Variants in NSD1 observed in about 807,000 individuals in gnomAD.
NSD1 encodes histone-lysine N-methyltransferase, H3 lysine-36 specific.
In NSD1, 26 loss-of-function variants were observed where a neutral mutation model predicts 242.7. The ratio of observed to expected loss-of-function variants is 0.11; its 90% CI spans 0.08 to 0.15. The LOEUF (loss-of-function observed/expected upper bound fraction) is 0.15, where lower values mean the gene tolerates loss of function less well. Ranked by LOEUF, NSD1 falls within the 10% of genes least tolerant of loss-of-function variation. The pLI, the probability that NSD1 is intolerant of heterozygous loss-of-function variation, is 1.00. For synonymous variants in NSD1, 1,106 were observed against 1,178.1 expected, an observed-to-expected ratio of 0.94 and a Z score of 1.25; for missense variants, 2,495 against 3,272.8, an observed-to-expected ratio of 0.76 and a Z score of 5.80.
chr5:177,276,864 C>G (rs1380819441), intron 17 of NSD1, among the ~76,000 whole-genome samples: 1 of 152,132 alleles, frequency 6.6e-6, no homozygotes, highest in Non-Finnish European at 1.5e-5. Context: ...TTAATCCTTA[C>G]AAATGATTAC....
chr5:177,182,922 G>A (rs1236844886), intron 2 of NSD1, among the ~76,000 whole-genome samples: 1 of 152,146 alleles, frequency 6.6e-6, no homozygotes, highest in Non-Finnish European at 1.5e-5. Context: ...ACAGGCGTGA[G>A]CCACCGTGCC....
At chr5:177,144,076 C>T (rs916891399) in intron 2 of NSD1, among the ~76,000 whole-genome samples, 1 of 152,170 alleles carries the variant, frequency 6.6e-6, no homozygotes, top group Non-Finnish European at 1.5e-5. Flanking sequence ...AGCCATCTCT[C>T]CTGGCCATGA....
chr5:177,255,644 G>A (rs1272294169), intron 12 of NSD1, among the ~76,000 whole-genome samples: 1 of 152,052 alleles, frequency 6.6e-6, no homozygotes, highest in Non-Finnish European at 1.5e-5. Flanking sequence ...GTTCGGTGGT[G>A]TGATCTCAGC....
intron 2 of NSD1, among the ~76,000 whole-genome samples, chr5:177,147,771 G>A (rs2149772485): frequency 6.6e-6 from 1 of 152,068 alleles, no homozygotes; most frequent in African/African-American, 2.4e-5. Context: ...TGTATTTTTA[G>A]TAGAGATGGG....
intron 3 of NSD1, among the ~76,000 whole-genome samples, chr5:177,201,436 A>C (rs1164278743): frequency 6.6e-6 from 1 of 151,874 alleles, no homozygotes; most frequent in Non-Finnish European, 1.5e-5. Context: ...CCCAACCTTT[A>C]TTAGTTTCCC....
chr5:177,289,913 C>T (rs76828993), intron 21 of NSD1, among the ~76,000 whole-genome samples: 8 of 151,216 alleles, frequency 5.3e-5, no homozygotes, highest in African/African-American at 1.9e-4. Flanking sequence ...CTGCAAGCTC[C>T]GTCTCCCGGG....
chr5:177,134,972 T>A lies in NSD1; in HGVS notation c.-17-115T>A, dbSNP rs936491167. 2 of 892,518 alleles carry A rather than the reference T, an allele frequency of 2.2e-6. No homozygotes were observed. The highest frequency in any genetic ancestry group is 1.7e-5 in the African/African-American group (1 of 60,046). 55.3% of individuals were successfully genotyped at this position (892,518 alleles called of 1,614,324 possible). On this transcript the variant is annotated intron_variant, in intron 1 of 22. Transcript: ENST00000439151. The surrounding 1 kb of genome is among the most constrained non-coding windows in gnomAD (Gnocchi z 4.2). ...CAGTCGGGGGAACTTTTTCTGCCCATGGAAGTGCAGCAGAAAGGCATAGAG... is the reference window on the plus strand; with the variant it reads ...CAGTCGGGGGAACTTTTTCTGCCCAAGGAAGTGCAGCAGAAAGGCATAGAG...
chr5:177,269,866 A>G lies in NSD1; in HGVS notation c.5509+59A>G. 6.9e-7 allele frequency: 1 copy of G among 1,455,818 alleles called. No individual in the cohort carries two copies. Among genetic ancestry groups the G allele is most frequent in the Non-Finnish European group, 9.5e-7 (1 of 1,056,954 alleles). 90.2% of individuals were successfully genotyped at this position (1,455,818 alleles called of 1,614,324 possible). On this transcript the variant is annotated intron_variant, in intron 16 of 22. Transcript: ENST00000439151. This position sits in a 1 kb window ranked among gnomAD's most constrained non-coding sequence, Gnocchi z 5.1. ...CAGACCTCTGTTACCTGAGTGTCTG[A>G]TCTGTTTTAGAATTCACATATGCTC...
At chr5:177,267,192 T>C (rs1033289617) in intron 14 of NSD1, among the ~76,000 whole-genome samples, 5 of 152,206 alleles carry the variant, frequency 3.3e-5, no homozygotes, top group Non-Finnish European at 4.4e-5. Context: ...GGGAAGGAAC[T>C]AACCATATGG....
chr5:177,180,961 G>A (rs530083876), intron 2 of NSD1, among the ~76,000 whole-genome samples: 34 of 151,954 alleles, frequency 2.2e-4, no homozygotes, highest in African/African-American at 7.7e-4. Context: ...GATTACAGGC[G>A]TGAGCCACCG....
At chr5:177,199,613 T>TC (rs776032109) in intron 3 of NSD1, among the ~76,000 whole-genome samples, 13,901 of 151,230 alleles carry the variant, frequency 0.092, 1,202 homozygotes, top group African/African-American at 0.22. Context: ...TCTTTTCTTT[T>TC]TTTTTGAGAT....
At chr5:177,262,942 T>G (rs1757108968) in intron 14 of NSD1, among the ~76,000 whole-genome samples, 4 of 152,256 alleles carry the variant, frequency 2.6e-5, no homozygotes, top group Non-Finnish European at 5.9e-5. Flanking sequence ...GCAGTTTCAC[T>G]GAGCCAGATT....
At chr5:177,228,469 G>A (rs534174798) in intron 5 of NSD1, among the ~76,000 whole-genome samples, 2 of 151,906 alleles carry the variant, frequency 1.3e-5, no homozygotes, top group South Asian at 4.2e-4. Flanking sequence ...CACCTGCCTC[G>A]ACCTCCCAAA....
At chr5:177,146,823 G>A (rs1241223507) in intron 2 of NSD1, among the ~76,000 whole-genome samples, 1 of 151,552 alleles carries the variant, frequency 6.6e-6, no homozygotes, top group African/African-American at 2.4e-5. Context: ...GGCCAACATG[G>A]TGAAACCCCG....
At chr5:177,249,519 T>G (rs1755735940) in intron 11 of NSD1, among the ~76,000 whole-genome samples, 1 of 152,172 alleles carries the variant, frequency 6.6e-6, no homozygotes, top group South Asian at 2.1e-4. Flanking sequence ...CAGGCTGCAG[T>G]GCAGTGGCGC....
chr5:177,181,042 C>CT lies in NSD1; in HGVS notation c.928-10828dup, dbSNP rs549075279. Among the ~76,000 whole-genome samples, 1,183 of 126,884 alleles carry CT rather than the reference C, an allele frequency of 9.3e-3. 15 individuals are homozygous for CT. Among genetic ancestry groups the CT allele is most frequent in the East Asian group, 0.028 (120 of 4,312 alleles). The allele number at this position is 126,884 out of a possible 152,430, so 83.2% of individuals were successfully genotyped here. On this transcript the variant is annotated intron_variant, in intron 2 of 22. Transcript: ENST00000439151. ...GTAGATGAGCAAAAAAATGTGGTTT[C>CT]TTTTTTTTTTTTTTGAGATGGAGTC...
chr5:177,135,844 C>G lies in NSD1; in HGVS notation c.741C>G (p.Ser247Arg), dbSNP rs1406194012. 6 of 1,605,326 alleles carry G rather than the reference C, an allele frequency of 3.7e-6. No homozygotes were observed. Among genetic ancestry groups the G allele is most frequent in the Non-Finnish European group, 5.1e-6 (6 of 1,173,954 alleles). Reference sequence around the variant, plus strand: ...AGCAAAGAAATGAAGTGGACGGCAGCAATGAAAAAGCAGCCCTTCTCCCAG... The same window carrying G: ...AGCAAAGAAATGAAGTGGACGGCAGGAATGAAAAAGCAGCCCTTCTCCCAG... ...KNKQRNEVDG[S>R]NEKAALLPAP... is the part of the protein sequence containing the mutation. Residue 247 changes from serine (S) to arginine (R), a missense_variant, in exon 2 of 23, where the codon AGC becomes AGG. By Grantham distance (110) the Ser-to-Arg change is moderately radical. Coordinates refer to ENST00000439151, the MANE Select transcript of NSD1 (RefSeq NM_022455.5).
At chr5:177,175,246 ATGT>A (rs1581208353) in intron 2 of NSD1, among the ~76,000 whole-genome samples, 2 of 152,176 alleles carry the variant, frequency 1.3e-5, no homozygotes, top group Non-Finnish European at 2.9e-5. Flanking sequence ...ATTTGGACAA[ATGT>A]TGTCACAAAA....
chr5:177,220,336 T>A (rs1313125581), intron 5 of NSD1, among the ~76,000 whole-genome samples: 1 of 152,138 alleles, frequency 6.6e-6, no homozygotes, highest in Non-Finnish European at 1.5e-5. Flanking sequence ...TGTATTTTGT[T>A]TTATATAAGT....
Sources: allele counts gnomAD v4.1 joint callset (sites outside exome capture counted in the v4.1 genomes callset), GRCh38; gene constraint gnomAD v4.1.1; non-coding constraint Gnocchi (gnomAD v3.1); transcripts MANE v1.5; gene names NCBI Gene and HGNC (gene_info 2026-07-23, HGNC 2026-07-21).